Variants in PCDH9 observed in about 807,000 individuals in gnomAD.
PCDH9 encodes protocadherin 9, also known as protocadherin-9.
A neutral mutation model predicts 70.6 loss-of-function variants in PCDH9; 24 were observed. The observed-to-expected ratio is 0.34, with a 90% CI of 0.25 to 0.48. PCDH9 has a LOEUF of 0.48. PCDH9 is among the 20% of genes least tolerant of loss of function. The pLI, the probability that PCDH9 is intolerant of heterozygous loss-of-function variation, is 0.99. For missense variants in PCDH9, 1,281 were observed against 1,503.6 expected (o/e 0.85, Z 2.45); for synonymous variants, 562 against 558.5 (o/e 1.01, Z -0.09).
chr13:66,615,194 A>C (rs1325698682), intron 4 of PCDH9, among the ~76,000 whole-genome samples: 5 of 152,228 alleles, frequency 3.3e-5, no homozygotes, highest in African/African-American at 9.6e-5. Flanking sequence ...TTTTGCTTCT[A>C]AGAGAAGTTA....
intron 4 of PCDH9, among the ~76,000 whole-genome samples, chr13:66,347,413 C>T (rs1420248218): frequency 6.6e-6 from 1 of 151,918 alleles, no homozygotes; most frequent in African/African-American, 2.4e-5. Context: ...GTGGAGACTG[C>T]AAATTAGGAA....
intron 3 of PCDH9, among the ~76,000 whole-genome samples, chr13:66,891,700 C>T (rs951657853): frequency 1.3e-5 from 2 of 152,036 alleles, no homozygotes; most frequent in Admixed American, 6.6e-5. Flanking sequence ...GCTTCCCCAA[C>T]GTATGCTTTT....
At chr13:67,121,835 C>T (rs2086882782) in intron 2 of PCDH9, among the ~76,000 whole-genome samples, 1 of 152,002 alleles carries the variant, frequency 6.6e-6, no homozygotes, top group Non-Finnish European at 1.5e-5. Flanking sequence ...ATGTAATTAT[C>T]CTGTGCCTCC....
At chr13:66,467,080 C>CT (rs1316796224) in intron 4 of PCDH9, among the ~76,000 whole-genome samples, 2 of 151,930 alleles carry the variant, frequency 1.3e-5, no homozygotes, top group African/African-American at 4.8e-5. Context: ...GGGGAAGTAG[C>CT]TTTTTCTTTA....
intron 2 of PCDH9, among the ~76,000 whole-genome samples, chr13:67,003,163 A>C (rs1279978884): frequency 2.0e-5 from 3 of 152,116 alleles, no homozygotes; most frequent in Admixed American, 6.5e-5. Context: ...TTGTATACAC[A>C]TATACATACA....
rs76986127 is a variant in PCDH9 at position 66,473,997 on chromosome 13, A to G, written c.3340+157213T>C. ...TAGCAACAATAAACTTTTAATTTCT[A>G]TTTAAAATTTCCAAAATCAAAATGT... is the stretch of plus-strand genomic sequence containing the variant. On this transcript the variant is annotated intron_variant, in intron 4 of 4. Coordinates refer to ENST00000377865, the MANE Select transcript of PCDH9 (RefSeq NM_203487.3). Among the ~76,000 whole-genome samples the G allele has an allele frequency of 4.6e-3, 693 of 152,276 alleles. 27 individuals carry two copies. The East Asian group carries it at 0.088, about 19-fold the overall frequency.
At chr13:66,738,469 G>C (rs2079194886) in intron 3 of PCDH9, among the ~76,000 whole-genome samples, 2 of 149,382 alleles carry the variant, frequency 1.3e-5, no homozygotes, top group Middle Eastern at 3.4e-3. Flanking sequence ...TTCCTCACCA[G>C]CAACGGAACA....
chr13:66,503,181 C>G (rs187639306), intron 4 of PCDH9, among the ~76,000 whole-genome samples: 1 of 152,298 alleles, frequency 6.6e-6, no homozygotes, highest in East Asian at 1.9e-4. Flanking sequence ...TCTTCATAAG[C>G]ATATGCTTAA....
chr13:66,722,640 T>C lies in PCDH9; in HGVS notation c.3139-91229A>G, dbSNP rs539579030. ...GATTAGTGGGGTAGCCATTTTCTTCTTTGTGGACAAAGACAAGCAGAAAAG... is the reference window on the plus strand; with the variant it reads ...GATTAGTGGGGTAGCCATTTTCTTCCTTGTGGACAAAGACAAGCAGAAAAG... On this transcript the variant is annotated intron_variant, in intron 3 of 4. Transcript: ENST00000377865. Among the ~76,000 whole-genome samples, 31 of 152,154 alleles carry C rather than the reference T, an allele frequency of 2.0e-4. 1 individual carries two copies. Among genetic ancestry groups the C allele is most frequent in the Middle Eastern group, 6.8e-3 (2 of 294 alleles).
intron 2 of PCDH9, among the ~76,000 whole-genome samples, chr13:67,189,092 C>T (rs2088839306): frequency 6.6e-6 from 1 of 151,902 alleles, no homozygotes; most frequent in Non-Finnish European, 1.5e-5. Flanking sequence ...TCTCCAATCC[C>T]ATCCAGGTTG....
At chr13:66,744,516 A>C (rs540641615) in intron 3 of PCDH9, among the ~76,000 whole-genome samples, 1 of 152,294 alleles carries the variant, frequency 6.6e-6, no homozygotes, top group Non-Finnish European at 1.5e-5. Context: ...TCCAGCATCT[A>C]CCACACACAA....
chr13:67,181,793 T>C (rs2088623067), intron 2 of PCDH9, among the ~76,000 whole-genome samples: 1 of 152,212 alleles, frequency 6.6e-6, no homozygotes, highest in Non-Finnish European at 1.5e-5. Flanking sequence ...AATAAGTTGT[T>C]TCTACAACCA....
intron 2 of PCDH9, among the ~76,000 whole-genome samples, chr13:66,986,874 C>A (rs1054993448): frequency 1.3e-5 from 2 of 151,412 alleles, no homozygotes; most frequent in Non-Finnish European, 3.0e-5. Flanking sequence ...AAATGAACCA[C>A]AGAGAATAGA....
intron 4 of PCDH9, among the ~76,000 whole-genome samples, chr13:66,436,721 A>G (rs538906231): frequency 6.6e-6 from 1 of 152,316 alleles, no homozygotes; most frequent in Admixed American, 6.5e-5. Flanking sequence ...TGACATAAAT[A>G]TAATGCAGGC....
chr13:66,954,949 G>A (rs1304150957), intron 2 of PCDH9, among the ~76,000 whole-genome samples: 1 of 152,100 alleles, frequency 6.6e-6, no homozygotes, highest in African/African-American at 2.4e-5. Context: ...ATTTTTAGTA[G>A]AGACAGGGTT....
chr13:66,532,045 G>A (rs950558473), intron 4 of PCDH9, among the ~76,000 whole-genome samples: 1 of 152,126 alleles, frequency 6.6e-6, no homozygotes, highest in Non-Finnish European at 1.5e-5. Flanking sequence ...GGAATGCAAT[G>A]GCACAAGCAC....
At chr13:66,498,733 G>A (rs1959155895) in intron 4 of PCDH9, among the ~76,000 whole-genome samples, 1 of 151,910 alleles carries the variant, frequency 6.6e-6, no homozygotes, top group Admixed American at 6.6e-5. Context: ...TTTTTTTAAT[G>A]TACTGTTGAT....
At chr13:66,925,909 T>A (rs1192673630) in intron 2 of PCDH9, among the ~76,000 whole-genome samples, 1 of 152,012 alleles carries the variant, frequency 6.6e-6, no homozygotes, top group Non-Finnish European at 1.5e-5. Context: ...GCAATGGCAA[T>A]AGTAATACCC....
intron 3 of PCDH9, among the ~76,000 whole-genome samples, chr13:66,690,898 A>C (rs192995807): frequency 1.8e-4 from 27 of 152,310 alleles, no homozygotes; most frequent in African/African-American, 5.8e-4. Context: ...ACCACATCTC[A>C]TGAACTGCCA....
Sources: gnomAD v4.1 joint callset for allele counts (sites outside exome capture counted in the v4.1 genomes callset) on GRCh38, gnomAD v4.1.1 for gene constraint, MANE v1.5 for transcripts, NCBI Gene and HGNC (gene_info 2026-07-23, HGNC 2026-07-21) for gene names.